The following USP13 variants were observed in gnomAD, a reference collection of about 807,000 sequenced individuals.
USP13 encodes ubiquitin carboxyl-terminal hydrolase 13.
In USP13, 68 loss-of-function variants were observed where a neutral mutation model predicts 107.8. That is an observed-to-expected ratio of 0.63 (90% CI 0.52 to 0.77). The LOEUF is 0.77. Ranked by LOEUF, USP13 falls within the 30% of genes least tolerant of loss-of-function variation. The pLI is 0.00. For missense variants in USP13, 945 were observed against 1,093.3 expected (o/e 0.86, Z 1.91); for synonymous variants, 377 against 389.5 (o/e 0.97, Z 0.38).
chr3:179,727,878 A>T, intron 8 of USP13, among the ~76,000 whole-genome samples: 1 of 70,198 alleles, frequency 1.4e-5, no homozygotes, highest in South Asian at 6.3e-4. Flanking sequence ...GCGGCCGGGC[A>T]GAGGCGCCCC....
intron 1 of USP13, among the ~76,000 whole-genome samples, chr3:179,677,915 A>C (rs970431879): frequency 6.6e-6 from 1 of 152,204 alleles, no homozygotes; most frequent in African/African-American, 2.4e-5. Flanking sequence ...AGATAATAAT[A>C]ATTAGCCCAT....
intron 1 of USP13, among the ~76,000 whole-genome samples, chr3:179,655,557 G>GTTTGT (rs1560036520): frequency 1.2e-5 from 1 of 80,688 alleles, no homozygotes; most frequent in African/African-American, 3.2e-5. Context: ...GGTTTTTTTT[G>GTTTGT]TTTTGTTTTG....
intron 4 of USP13, among the ~76,000 whole-genome samples, chr3:179,705,479 C>G (rs1220042125): frequency 6.6e-6 from 1 of 152,150 alleles, no homozygotes. Flanking sequence ...CTTTCTAGCT[C>G]TATAGATTTG....
At chr3:179,782,637 G>A (rs1401575528) in intron 20 of USP13, among the ~76,000 whole-genome samples, 7 of 152,126 alleles carry the variant, frequency 4.6e-5, no homozygotes, top group Admixed American at 3.9e-4. Context: ...CTTGCTCCAT[G>A]GCTCCCACTG....
chr3:179,775,391 A>T (rs534770326), intron 19 of USP13, among the ~76,000 whole-genome samples: 1 of 152,248 alleles, frequency 6.6e-6, no homozygotes, highest in Non-Finnish European at 1.5e-5. Flanking sequence ...GTGCATATAC[A>T]ATCCTCTGGC....
chr3:179,666,705 C>A (rs1720596903), intron 1 of USP13, among the ~76,000 whole-genome samples: 1 of 152,192 alleles, frequency 6.6e-6, no homozygotes, highest in African/African-American at 2.4e-5. Flanking sequence ...GGCTGCTGTC[C>A]TTTGCCTGTC....
At chr3:179,750,304 G>GTGTATA (rs1553797352) in intron 13 of USP13, among the ~76,000 whole-genome samples, 2 of 113,516 alleles carry the variant, frequency 1.8e-5, no homozygotes, top group Admixed American at 9.8e-5. Flanking sequence ...ATATGTGTGT[G>GTGTATA]TATATATATA....
In USP13 at chr3:179,739,931, C is replaced by T. The variant is rs116252740; in HGVS notation, c.1255-316C>T. ...AATGGGCTGTGACATTTGGTCACTGCGTAGCAAGTCCTGTGAGAATGAGCC... is the reference window on the plus strand; with the variant it reads ...AATGGGCTGTGACATTTGGTCACTGTGTAGCAAGTCCTGTGAGAATGAGCC... On this transcript the variant is annotated intron_variant, in intron 10 of 20. Transcript: ENST00000263966. Among the ~76,000 whole-genome samples the T allele has an allele frequency of 2.8e-3, 425 of 152,148 alleles. 2 individuals carry two copies. The highest frequency in any genetic ancestry group is 9.5e-3 in the African/African-American group (396 of 41,496).
At chr3:179,662,603 T>C (rs978545601) in intron 1 of USP13, among the ~76,000 whole-genome samples, 3 of 152,166 alleles carry the variant, frequency 2.0e-5, no homozygotes, top group Admixed American at 6.5e-5. Context: ...AGGAGTGAAA[T>C]GGATGTCTTT....
intron 1 of USP13, among the ~76,000 whole-genome samples, chr3:179,655,534 G>A (rs1243068035): frequency 1.3e-5 from 2 of 148,714 alleles, no homozygotes; most frequent in Non-Finnish European, 3.0e-5. Context: ...AGCACAGTGC[G>A]TGATAATGGG....
chr3:179,754,371 A>G (rs531736040), intron 14 of USP13, among the ~76,000 whole-genome samples: 2 of 152,348 alleles, frequency 1.3e-5, no homozygotes, highest in Admixed American at 6.5e-5. Context: ...AATAAGCTGG[A>G]AATCTGGATT....
chr3:179,706,886 T>C (rs1712736801), intron 4 of USP13, 48 bp from the exon 5 acceptor site: 1 of 1,554,644 alleles, frequency 6.4e-7, no homozygotes, highest in Non-Finnish European at 8.7e-7. Flanking sequence ...AGCAAATCGT[T>C]ATTTTCTCAA....
Position 179,754,829 on chromosome 3 carries a change from C to T in USP13, c.1896C>T (p.Pro632=). 6.2e-7 allele frequency: 1 copy of T among 1,612,540 alleles called. No homozygotes were observed. The highest frequency in any genetic ancestry group is 8.5e-7 in the Non-Finnish European group (1 of 1,179,444). Residue 632 remains proline (P), a synonymous_variant, in exon 15 of 21, where the codon CCC becomes CCT. Coordinates refer to ENST00000263966, the MANE Select transcript of USP13 (RefSeq NM_003940.3). ...GEEELPDISP[P]IVIPDDSKDR... ...AAGAACTTCCAGACATCAGCCCCCC[C>T]ATAGTCATTCCTGATGACTCAAAAG...
At chr3:179,672,484 A>G (rs377413478) in intron 1 of USP13, among the ~76,000 whole-genome samples, 3 of 151,422 alleles carry the variant, frequency 2.0e-5, no homozygotes, top group East Asian at 3.9e-4. Flanking sequence ...TGCCGGGTTC[A>G]AGCAATTCCC....
chr3:179,725,120 G>A (rs911830101), intron 8 of USP13, among the ~76,000 whole-genome samples: 2 of 152,214 alleles, frequency 1.3e-5, no homozygotes, highest in Non-Finnish European at 2.9e-5. Flanking sequence ...GCTGAGGCAG[G>A]AGAATTGCTT....
chr3:179,773,351 C>T (rs1715398587), intron 19 of USP13, among the ~76,000 whole-genome samples: 1 of 152,168 alleles, frequency 6.6e-6, no homozygotes, highest in Non-Finnish European at 1.5e-5. Context: ...TGCTGTGCCT[C>T]TGGGGTCTTG....
chr3:179,708,446 T>G (rs536229394), intron 5 of USP13, among the ~76,000 whole-genome samples: 1 of 14,328 alleles, frequency 7.0e-5, no homozygotes, highest in South Asian at 1.9e-3. Context: ...TAGCTGGGAT[T>G]TGGGATTACA....
At chr3:179,674,082 G>A (rs183748482) in intron 1 of USP13, among the ~76,000 whole-genome samples, 2 of 151,938 alleles carry the variant, frequency 1.3e-5, no homozygotes, top group Admixed American at 1.3e-4. Flanking sequence ...TAGTAGAGGC[G>A]GGGTTTCTCC....
chr3:179,709,962 GT>G (rs1312648017), intron 6 of USP13, among the ~76,000 whole-genome samples: 1 of 143,988 alleles, frequency 6.9e-6, no homozygotes, highest in Admixed American at 7.1e-5. Context: ...ACCAATCATT[GT>G]TTTTTCATTG....
Sources: allele counts gnomAD v4.1 joint callset (sites outside exome capture counted in the v4.1 genomes callset), GRCh38; gene constraint gnomAD v4.1.1; transcripts MANE v1.5; gene names NCBI Gene and HGNC (gene_info 2026-07-23, HGNC 2026-07-21).